The following CCDC178 variants were observed in gnomAD, a reference collection of about 807,000 sequenced individuals.
CCDC178 encodes the protein coiled-coil domain containing 178.
CCDC178 carries 126 observed loss-of-function variants against 117.4 expected under a neutral mutation model. That is an observed-to-expected ratio of 1.07 (90% CI 0.93 to 1.24). The LOEUF is 1.24. Ranked by LOEUF, CCDC178 falls within the 50% of genes most tolerant of loss-of-function variation. CCDC178 has a pLI of 0.00. For synonymous variants in CCDC178, 283 were observed against 313.4 expected (o/e 0.90, Z 1.02); for missense variants, 1,030 against 986.9 (o/e 1.04, Z -0.59).
intron 4 of CCDC178, among the ~76,000 whole-genome samples, chr18:33,394,132 G>A (rs2063599367): frequency 6.6e-6 from 1 of 151,614 alleles, no homozygotes; most frequent in African/African-American, 2.4e-5. Flanking sequence ...TATACAACTA[G>A]AATTATATTA....
At chr18:33,232,675 T>C (rs9964233) in intron 15 of CCDC178, among the ~76,000 whole-genome samples, 52 of 152,304 alleles carry the variant, frequency 3.4e-4, no homozygotes, top group African/African-American at 1.2e-3. Flanking sequence ...ATGTTATCTT[T>C]CTTTTTGTAC....
chr18:32,949,069 G>A (rs1033319935), intron 22 of CCDC178, among the ~76,000 whole-genome samples: 15 of 151,898 alleles, frequency 9.9e-5, no homozygotes, highest in South Asian at 4.1e-4. Flanking sequence ...ATGTTACTCC[G>A]CTCTCTTCTC....
Position 33,203,451 on chromosome 18 carries a change from C to T in CCDC178, c.2238+8445G>A, listed in dbSNP as rs928176105. Among the ~76,000 whole-genome samples, 3 of 152,122 alleles carry T rather than the reference C, an allele frequency of 2.0e-5. No homozygotes were observed. The East Asian group carries it at 5.8e-4, about 29-fold the overall frequency. On this transcript the variant is annotated intron_variant, in intron 20 of 22. Transcript: ENST00000383096. ...TCTTGTCTCTGCTTTATTGATATGC[C>T]TAGTAACTCGTTCACAAGCCAAGAT...
intron 21 of CCDC178, among the ~76,000 whole-genome samples, chr18:33,083,024 T>C (rs1204261244): frequency 6.6e-6 from 1 of 152,200 alleles, no homozygotes; most frequent in Non-Finnish European, 1.5e-5. Flanking sequence ...AAGTATGCTA[T>C]GTAATCTCAT....
intron 4 of CCDC178, among the ~76,000 whole-genome samples, chr18:33,395,610 C>T (rs983740230): frequency 3.9e-5 from 6 of 152,032 alleles, no homozygotes; most frequent in African/African-American, 1.4e-4. Context: ...GACACTCTAC[C>T]GAAGCCTCTA....
intron 20 of CCDC178, among the ~76,000 whole-genome samples, chr18:33,093,816 T>C (rs1176241351): frequency 3.3e-5 from 5 of 152,046 alleles, no homozygotes; most frequent in African/African-American, 7.2e-5. Flanking sequence ...CAAAATGCTT[T>C]ATTCATTACA....
intron 10 of CCDC178, among the ~76,000 whole-genome samples, chr18:33,324,628 A>G (rs1209931262): frequency 7.1e-6 from 1 of 141,252 alleles, no homozygotes; most frequent in Non-Finnish European, 1.6e-5. Context: ...TGACAGGCCA[A>G]AAGGTTATTG....
intron 15 of CCDC178, among the ~76,000 whole-genome samples, chr18:33,243,561 A>G (rs1312603112): frequency 6.7e-6 from 1 of 150,182 alleles, no homozygotes; most frequent in Non-Finnish European, 1.5e-5. Flanking sequence ...AAAATAACAG[A>G]AAAGGGGCAC....
At chr18:32,946,713 G>A (rs1183377129) in intron 22 of CCDC178, among the ~76,000 whole-genome samples, 1 of 39,720 alleles carries the variant, frequency 2.5e-5, no homozygotes, top group Admixed American at 4.1e-4. Context: ...GGATCGTTGT[G>A]GTTTTTTGGG....
intron 20 of CCDC178, among the ~76,000 whole-genome samples, chr18:33,094,533 C>A (rs901200214): frequency 1.3e-5 from 2 of 151,780 alleles, no homozygotes; most frequent in Admixed American, 1.3e-4. Flanking sequence ...AGACATCCTA[C>A]TTCTCAGGTG....
intron 9 of CCDC178, among the ~76,000 whole-genome samples, chr18:33,344,812 C>T (rs1348570366): frequency 2.1e-5 from 2 of 93,718 alleles, no homozygotes; most frequent in East Asian, 7.4e-4. Flanking sequence ...AGCACACACA[C>T]ACACACACAC....
intron 15 of CCDC178, among the ~76,000 whole-genome samples, chr18:33,243,354 G>A (rs2059510570): frequency 6.6e-6 from 1 of 151,710 alleles, no homozygotes; most frequent in Admixed American, 6.6e-5. Context: ...GATCACTATG[G>A]TTAAGAATAA....
At chr18:33,067,766 A>T (rs1441064467) in intron 21 of CCDC178, among the ~76,000 whole-genome samples, 2 of 152,188 alleles carry the variant, frequency 1.3e-5, no homozygotes, top group Non-Finnish European at 2.9e-5. Context: ...TGGGAGGCAG[A>T]GGTTGCAGAG....
chr18:33,161,325 T>A (rs1013275177), intron 20 of CCDC178, among the ~76,000 whole-genome samples: 3 of 152,118 alleles, frequency 2.0e-5, no homozygotes, highest in Non-Finnish European at 4.4e-5. Context: ...TCCAAGGCTA[T>A]CACATGAACA....
At chr18:33,390,021 T>C (rs2063545684) in intron 4 of CCDC178, among the ~76,000 whole-genome samples, 1 of 148,826 alleles carries the variant, frequency 6.7e-6, no homozygotes, top group Non-Finnish European at 1.5e-5. Context: ...ATTTTATACA[T>C]ATATATACTA....
At chr18:33,106,884 AAAG>A (rs1386827162) in intron 20 of CCDC178, among the ~76,000 whole-genome samples, 1 of 151,762 alleles carries the variant, frequency 6.6e-6, no homozygotes, top group Non-Finnish European at 1.5e-5. Flanking sequence ...TTTGAAGATT[AAAG>A]AAGAAGGCTA....
intron 14 of CCDC178, among the ~76,000 whole-genome samples, chr18:33,261,097 T>TTGTC (rs1180932849): frequency 6.6e-6 from 1 of 151,854 alleles, no homozygotes; most frequent in Non-Finnish European, 1.5e-5. Flanking sequence ...GTTTGTTTGT[T>TTGTC]TGTTGAGACA....
intron 2 of CCDC178, among the ~76,000 whole-genome samples, chr18:33,412,914 C>A (rs1308006208): frequency 6.6e-6 from 1 of 151,916 alleles, no homozygotes; most frequent in Non-Finnish European, 1.5e-5. Flanking sequence ...TTTTTTTCTC[C>A]CTGTACTTTA....
chr18:33,291,174 T>C (rs2060161727), intron 12 of CCDC178, among the ~76,000 whole-genome samples: 1 of 151,920 alleles, frequency 6.6e-6, no homozygotes, highest in Non-Finnish European at 1.5e-5. Context: ...ATCTCAGGGG[T>C]GGGAAAATTT....
Sources: allele counts gnomAD v4.1 joint callset (sites outside exome capture counted in the v4.1 genomes callset), GRCh38; gene constraint gnomAD v4.1.1; transcripts MANE v1.5; gene names NCBI Gene and HGNC (gene_info 2026-07-23, HGNC 2026-07-21).